The following ATP10B variants were observed in gnomAD, a reference collection of about 807,000 sequenced individuals.
ATP10B encodes the protein ATPase phospholipid transporting 10B (putative).
In ATP10B, 122 loss-of-function variants were observed where a neutral mutation model predicts 141.2. The observed-to-expected ratio is 0.86, with a 90% CI of 0.75 to 1.00. The LOEUF (loss-of-function observed/expected upper bound fraction) is 1.00. Among genes scored for constraint, ATP10B ranks in the 50% least tolerant of loss-of-function variants. The probability of loss-of-function intolerance (pLI) is 0.00; values close to 1 mark genes in which losing one functional copy is unlikely to be tolerated. For missense variants in ATP10B, 1,876 were observed against 1,825.3 expected, an observed-to-expected ratio of 1.03 and a Z score of -0.51; for synonymous variants, 685 against 692.0, an observed-to-expected ratio of 0.99 and a Z score of 0.16.
rs748889915 is a variant in ATP10B, at chr5:160,565,486, G to A, written c.4353C>T (p.Ser1451=). The A allele has an allele frequency of 1.2e-6, 2 of 1,614,090 alleles. No homozygotes were observed. The highest frequency in any genetic ancestry group is 1.1e-5 in the South Asian group (1 of 91,076). ...TDMCRCSKRS[S]HRRSQSSLTI is the part of the protein sequence containing the mutation. ...TCAGTGAACTCTGGGATCGGCGATGGCTGCTCCTCTTTGAGCACCGGCACA... is the reference window on the plus strand; with the variant it reads ...TCAGTGAACTCTGGGATCGGCGATGACTGCTCCTCTTTGAGCACCGGCACA... Residue 1451 remains serine (S), a synonymous_variant, in exon 26 of 26, where the codon AGC becomes AGT. Coordinates refer to ENST00000327245, the MANE Select transcript of ATP10B (RefSeq NM_025153.3).
chr5:160,899,945 G>A, the ATP10B span, among the ~76,000 whole-genome samples: 2 of 152,160 alleles, frequency 1.3e-5, no homozygotes, highest in South Asian at 2.1e-4. Flanking sequence ...TGGTGGAGCA[G>A]AGGCAAGGAA....
In ATP10B at chr5:160,620,699, G is replaced by A. The variant is rs373898412; in HGVS notation, c.2064C>T (p.Gly688=). 45 of 1,613,978 alleles carry A rather than the reference G, an allele frequency of 2.8e-5. No homozygotes were observed. The highest frequency in any genetic ancestry group is 1.0e-4 in the Admixed American group (6 of 60,004). The part of the protein sequence containing the change: ...GGYRSSMWDQ[G]DILESGSGTS... Reference sequence around the variant, plus strand: ...TGCCTGACCCAGACTCCAGGATGTCGCCCTGGTCCCACATGCTGCTCCTGT... The same window carrying A: ...TGCCTGACCCAGACTCCAGGATGTCACCCTGGTCCCACATGCTGCTCCTGT... The change falls in exon 15 of 26, where the codon GGC becomes GGT. Residue 688 remains glycine, a synonymous_variant. Transcript: ENST00000327245.
intron 6 of ATP10B, among the ~76,000 whole-genome samples, chr5:160,674,767 T>TA (rs959033262): frequency 9.7e-4 from 142 of 146,476 alleles, no homozygotes; most frequent in Non-Finnish European, 1.1e-3. Flanking sequence ...GAGCATTCAT[T>TA]AAAAAAAAAA....
chr5:160,669,188 G>A (rs1245344190), intron 7 of ATP10B, among the ~76,000 whole-genome samples: 1 of 152,196 alleles, frequency 6.6e-6, no homozygotes, highest in Non-Finnish European at 1.5e-5. Context: ...TGCAAATTGG[G>A]ATATCACACC....
chr5:160,901,417 CATTAA>C, the ATP10B span, among the ~76,000 whole-genome samples: 1 of 152,120 alleles, frequency 6.6e-6, no homozygotes, highest in African/African-American at 2.4e-5. Flanking sequence ...AGGATTCATT[CATTAA>C]ATTAAAAGTA....
At chr5:160,775,135 G>C (rs568098176) in intron 2 of ATP10B, among the ~76,000 whole-genome samples, 2 of 152,200 alleles carry the variant, frequency 1.3e-5, no homozygotes, top group African/African-American at 2.4e-5. Context: ...AGCCGTGGCC[G>C]TGTTTATCAG....
At chr5:160,645,333 G>T (rs890956126) in intron 8 of ATP10B, among the ~76,000 whole-genome samples, 2 of 152,142 alleles carry the variant, frequency 1.3e-5, no homozygotes, top group Admixed American at 6.5e-5. Flanking sequence ...CTTCCAAGGG[G>T]AGCCTCCAGG....
chr5:160,628,384 T>C (rs1434711810), intron 13 of ATP10B, among the ~76,000 whole-genome samples: 1 of 152,232 alleles, frequency 6.6e-6, no homozygotes, highest in African/African-American at 2.4e-5. Context: ...TCCAGAAAGA[T>C]TCTGTGTACT....
intron 6 of ATP10B, among the ~76,000 whole-genome samples, chr5:160,680,751 AC>A (rs1763338450): frequency 6.6e-6 from 1 of 152,082 alleles, no homozygotes; most frequent in African/African-American, 2.4e-5. Flanking sequence ...GTGGGTGGGG[AC>A]TGTGGCTCAG....
At chr5:160,893,188 G>A in the ATP10B span, among the ~76,000 whole-genome samples, 39 of 152,120 alleles carry the variant, frequency 2.6e-4, no homozygotes, top group African/African-American at 7.7e-4. Flanking sequence ...TGGAATGCCC[G>A]TGAGACAGAA....
chr5:160,618,807 G>A (rs1256226000), intron 15 of ATP10B, among the ~76,000 whole-genome samples: 1 of 152,132 alleles, frequency 6.6e-6, no homozygotes, highest in East Asian at 1.9e-4. Context: ...TCATTTATCA[G>A]TCGCTTGTAA....
intron 18 of ATP10B, among the ~76,000 whole-genome samples, chr5:160,609,531 A>G (rs1348360283): frequency 6.6e-6 from 1 of 151,984 alleles, no homozygotes; most frequent in African/African-American, 2.4e-5. Context: ...AGCATGCGCC[A>G]CCACACCTGG....
chr5:160,891,342 C>T, the ATP10B span, among the ~76,000 whole-genome samples: 1 of 152,172 alleles, frequency 6.6e-6, no homozygotes, highest in Non-Finnish European at 1.5e-5. Context: ...GTGTCCTTCA[C>T]CCCCAGTGAT....
At chr5:160,768,538 C>T (rs988997604) in intron 2 of ATP10B, among the ~76,000 whole-genome samples, 1 of 152,190 alleles carries the variant, frequency 6.6e-6, no homozygotes, top group Non-Finnish European at 1.5e-5. Flanking sequence ...TTAATCAGTA[C>T]CATGGCATTA....
chr5:160,919,080 CG>C, the ATP10B span, among the ~76,000 whole-genome samples: 1 of 149,772 alleles, frequency 6.7e-6, no homozygotes, highest in South Asian at 2.1e-4. Flanking sequence ...AAAAATTAGC[CG>C]GGCATGGTGG....
chr5:160,818,233 T>G (rs1024071661), intron 1 of ATP10B, among the ~76,000 whole-genome samples: 6 of 152,126 alleles, frequency 3.9e-5, no homozygotes, highest in Non-Finnish European at 7.4e-5. Flanking sequence ...TGGGAGAAAA[T>G]TTTTGCAATC....
rs1770106790 is a variant in ATP10B at position 160,774,132 on chromosome 5, TA to T, written c.-331+11426del. On this transcript the variant is annotated intron_variant, in intron 2 of 25. Transcript: ENST00000327245. ...GATGTTTTCTTCTGCTGTGGTTCAT[TA>T]GAAGCGTTTCCAGTGTAACCCCAGG... Among the ~76,000 whole-genome samples, 21 of 152,202 alleles carry T rather than the reference TA, an allele frequency of 1.4e-4. No individual in the cohort carries two copies. The South Asian group carries it at 4.4e-3, about 32-fold the overall frequency.
intron 1 of ATP10B, among the ~76,000 whole-genome samples, chr5:160,798,455 C>A (rs1772116789): frequency 6.6e-6 from 1 of 152,054 alleles, no homozygotes. Context: ...CAGAGACAGA[C>A]AGGGAAGAAG....
chr5:160,619,472 T>C (rs1758199501), intron 15 of ATP10B, among the ~76,000 whole-genome samples: 1 of 152,152 alleles, frequency 6.6e-6, no homozygotes, highest in Admixed American at 6.5e-5. Flanking sequence ...CTGAATTCAC[T>C]TGTCTGCCAG....
Sources: allele counts gnomAD v4.1 joint callset (sites outside exome capture counted in the v4.1 genomes callset), GRCh38; gene constraint gnomAD v4.1.1; transcripts MANE v1.5; gene names NCBI Gene and HGNC (gene_info 2026-07-23, HGNC 2026-07-21).